The following PRKN variants were observed in gnomAD, a reference collection of about 807,000 sequenced individuals.
The protein encoded by PRKN is E3 ubiquitin-protein ligase parkin.
Under a neutral mutation model 59.5 loss-of-function variants are expected in PRKN, and 56 were observed. The ratio of observed to expected loss-of-function variants is 0.94; its 90% CI spans 0.76 to 1.18. The LOEUF (loss-of-function observed/expected upper bound fraction) is 1.18, where lower values mean the gene tolerates loss of function less well. PRKN is among the 50% of genes most tolerant of loss of function. The pLI, the probability that PRKN is intolerant of heterozygous loss-of-function variation, is 0.00. For synonymous variants in PRKN, 250 were observed against 222.1 expected (o/e 1.13, Z -1.12); for missense variants, 657 against 596.4 (o/e 1.10, Z -1.06).
intron 7 of PRKN, among the ~76,000 whole-genome samples, chr6:161,632,920 T>G (rs12110372): frequency 0.02 from 3,033 of 152,124 alleles, 119 homozygotes; most frequent in African/African-American, 0.069. Flanking sequence ...CCATGACACA[T>G]GGGGATAATG....
chr6:162,128,394 T>C (rs920761874), intron 4 of PRKN, among the ~76,000 whole-genome samples: 1 of 152,170 alleles, frequency 6.6e-6, no homozygotes, highest in African/African-American at 2.4e-5. Flanking sequence ...TGACTACAGA[T>C]AATGCATCAA....
In PRKN at chr6:161,743,305, C is replaced by T. The variant is rs796356486; in HGVS notation, c.871+42467G>A. Reference sequence around the variant, plus strand: ...TGCAATCTCGGCTCACTGCAAGCTCCGCCTCCCGGGTTCATGCCATTCTCC... The same window carrying T: ...TGCAATCTCGGCTCACTGCAAGCTCTGCCTCCCGGGTTCATGCCATTCTCC... On this transcript the variant is annotated intron_variant, in intron 7 of 11. Transcript: ENST00000366898. 3.6e-4 allele frequency among the ~76,000 whole-genome samples: 53 copies of T among 148,022 alleles called. 3 individuals carry two copies. The highest frequency in any genetic ancestry group is 1.2e-3 in the African/African-American group (50 of 40,704).
intron 6 of PRKN, among the ~76,000 whole-genome samples, chr6:161,869,861 T>C (rs1031276640): frequency 2.6e-5 from 4 of 152,200 alleles, no homozygotes; most frequent in African/African-American, 9.7e-5. Context: ...AGTCCTCAGA[T>C]AGTTTATGTA....
chr6:161,466,168 A>G lies in PRKN; in HGVS notation c.1084-79291T>C, dbSNP rs150542389. On this transcript the variant is annotated intron_variant, in intron 9 of 11. Transcript: ENST00000366898. This position sits in a 1 kb window ranked among gnomAD's most constrained non-coding sequence, Gnocchi z 5.0. ...TTATTAACTCTAGTCACCATGCTGTACATTAGATCCCCCTGTGTTTCTATT... is the reference window on the plus strand; with the variant it reads ...TTATTAACTCTAGTCACCATGCTGTGCATTAGATCCCCCTGTGTTTCTATT... Among the ~76,000 whole-genome samples the G allele has an allele frequency of 1.3e-3, 192 of 152,316 alleles. No homozygotes were observed. Among genetic ancestry groups the G allele is most frequent in the Non-Finnish European group, 2.3e-3 (158 of 68,022 alleles).
At chr6:161,837,497 CAGCCTT>C (rs1792806466) in intron 6 of PRKN, among the ~76,000 whole-genome samples, 1 of 151,862 alleles carries the variant, frequency 6.6e-6, no homozygotes, top group Admixed American at 6.6e-5. Flanking sequence ...ACCTCATTCA[CAGCCTT>C]AGCATTGGGC....
In PRKN at chr6:161,579,846, T is replaced by C. The variant is rs1015754568; in HGVS notation, c.872-10430A>G. 6.6e-6 allele frequency among the ~76,000 whole-genome samples: 1 copy of C among 152,230 alleles called. No homozygotes were observed. The highest frequency in any genetic ancestry group is 2.4e-5 in the African/African-American group (1 of 41,454). On this transcript the variant is annotated intron_variant, in intron 7 of 11. Transcript: ENST00000366898. The surrounding 1 kb of genome is among the most constrained non-coding windows in gnomAD (Gnocchi z 4.2). ...AAATTCATTTCAGTACTTTCCCTTG[T>C]CACTTTAGTTCTGTGCATTTGGTTT...
chr6:162,434,698 T>G (rs949783551), intron 2 of PRKN, among the ~76,000 whole-genome samples: 5 of 152,166 alleles, frequency 3.3e-5, no homozygotes, highest in Non-Finnish European at 7.4e-5. Context: ...AATGCTGGAA[T>G]AAATATTTAC....
At position 161,369,955 on chromosome 6, in the gene PRKN, C is replaced by T. The variant is rs910597582; in HGVS notation, c.1168-9750G>A. On this transcript the variant is annotated intron_variant, in intron 10 of 11. Coordinates refer to ENST00000366898, the MANE Select transcript of PRKN (RefSeq NM_004562.3). The surrounding 1 kb of genome is among the most constrained non-coding windows in gnomAD (Gnocchi z 5.8). ...ATCGTGAGTAAGATCAACACACAAA[C>T]GGCTTAGCACAGAGCCAGGTGCACC... 1.4e-5 allele frequency: 6 copies of T among 432,294 alleles called. No homozygotes were observed. The highest frequency in any genetic ancestry group is 4.7e-5 in the Admixed American group (2 of 42,284). The allele number at this position is 432,294 out of a possible 1,614,324, so 26.8% of individuals were successfully genotyped here. A position where few individuals can be genotyped will look rare whatever the true frequency, so the allele number is the denominator to read the frequency against.
At chr6:161,813,253 C>T (rs1264560759) in intron 6 of PRKN, among the ~76,000 whole-genome samples, 1 of 152,150 alleles carries the variant, frequency 6.6e-6, no homozygotes, top group African/African-American at 2.4e-5. Flanking sequence ...CATCCTGGTT[C>T]AGCATCCCAG....
rs1304047353 is a variant in PRKN, at chr6:161,545,856, G to C, written c.1083+2998C>G. The stretch of plus-strand genomic sequence containing the variant: ...CTGGTACTCAGATCAGACTTGAATA[G>C]TCACCATGGTTCCTTGTGGAAAAGT... On this transcript the variant is annotated intron_variant, in intron 9 of 11. Transcript: ENST00000366898. The surrounding 1 kb of genome is among the most constrained non-coding windows in gnomAD (Gnocchi z 4.1). Among the ~76,000 whole-genome samples, 3 of 152,222 alleles carry C rather than the reference G, an allele frequency of 2.0e-5. No individual in the cohort carries two copies. The highest frequency in any genetic ancestry group is 7.2e-5 in the African/African-American group (3 of 41,472).
chr6:161,550,781 A>C lies in PRKN; in HGVS notation c.934-1778T>G, dbSNP rs755856482. Among the ~76,000 whole-genome samples, 2 of 147,264 alleles carry C rather than the reference A, an allele frequency of 1.4e-5. No individual in the cohort carries two copies. Among genetic ancestry groups the C allele is most frequent in the Non-Finnish European group, 3.0e-5 (2 of 65,802 alleles). Reference sequence around the variant, plus strand: ...TGTGTGTAGGGAGTTGAGGCATGAAATAATTATTTCTATTGTGCTCGTGTT... The same window carrying C: ...TGTGTGTAGGGAGTTGAGGCATGAACTAATTATTTCTATTGTGCTCGTGTT... On this transcript the variant is annotated intron_variant, in intron 8 of 11. Transcript: ENST00000366898. The surrounding 1 kb of genome is among the most constrained non-coding windows in gnomAD (Gnocchi z 4.0).
chr6:161,392,188 G>A (rs531354884), intron 9 of PRKN, among the ~76,000 whole-genome samples: 4 of 151,620 alleles, frequency 2.6e-5, no homozygotes, highest in South Asian at 2.1e-4. Flanking sequence ...CGCCTGCCTC[G>A]GCCTCCCAAA....
intron 5 of PRKN, among the ~76,000 whole-genome samples, chr6:162,011,779 C>G (rs954497529): frequency 6.6e-6 from 1 of 151,328 alleles, no homozygotes; most frequent in Admixed American, 6.7e-5. Context: ...TCTGGGTATT[C>G]TAACCATAAG....
rs368119686 is a variant in PRKN, at chr6:161,390,826, T to G, written c.1084-3949A>C. Among the ~76,000 whole-genome samples the G allele has an allele frequency of 1.4e-4, 21 of 152,284 alleles. No homozygotes were observed. Among genetic ancestry groups the G allele is most frequent in the South Asian group, 4.1e-4 (2 of 4,820 alleles). Reference sequence around the variant, plus strand: ...TTTTTAAGAATAAAATAAAGCTAATTTTTCCTTCCATTTGTGTGAATTATC... The same window carrying G: ...TTTTTAAGAATAAAATAAAGCTAATGTTTCCTTCCATTTGTGTGAATTATC... On this transcript the variant is annotated intron_variant, in intron 9 of 11. Transcript: ENST00000366898. The surrounding 1 kb of genome is among the most constrained non-coding windows in gnomAD (Gnocchi z 7.0).
rs55693340 is a variant in PRKN at position 162,651,658 on chromosome 6, A to T, written c.7+76004T>A. On this transcript the variant is annotated intron_variant, in intron 1 of 11. Transcript: ENST00000366898. ...GTTATACTGTGCTCACACTGACAAG[A>T]TCCTCAATATATGCCCATGGGAAGA... 7.9e-3 allele frequency among the ~76,000 whole-genome samples: 1,208 copies of T among 152,234 alleles called. 12 individuals are homozygous for T. The highest frequency in any genetic ancestry group is 0.028 in the African/African-American group (1,164 of 41,518).
chr6:162,058,957 G>GAAAAAAAAAAAAAAAA (rs553927046), intron 4 of PRKN, among the ~76,000 whole-genome samples: 1 of 87,290 alleles, frequency 1.1e-5, no homozygotes. Flanking sequence ...GCCTCAACAA[G>GAAAAAAAAAAAAAAAA]AAAAAAAAAA....
intron 6 of PRKN, among the ~76,000 whole-genome samples, chr6:161,925,697 T>C (rs182674266): frequency 3.3e-5 from 5 of 152,206 alleles, no homozygotes; most frequent in African/African-American, 9.6e-5. Context: ...GCATTAAAGA[T>C]ACAATTGAAC....
At chr6:161,394,683 G>T (rs1040328325) in intron 9 of PRKN, among the ~76,000 whole-genome samples, 1 of 152,116 alleles carries the variant, frequency 6.6e-6, no homozygotes, top group Non-Finnish European at 1.5e-5. Flanking sequence ...AGTACCACCT[G>T]TCTCAGAACT....
In PRKN at chr6:161,413,282, C is replaced by T. The variant is rs1696605410; in HGVS notation, c.1084-26405G>A. 6.6e-6 allele frequency among the ~76,000 whole-genome samples: 1 copy of T among 152,144 alleles called. No homozygotes were observed. The highest frequency in any genetic ancestry group is 2.4e-5 in the African/African-American group (1 of 41,404). ...GTCTGTAAGACTCCCCGTGACATTC[C>T]TGTTCCTTGTTCCACTGCCAGGGTC... On this transcript the variant is annotated intron_variant, in intron 9 of 11. Coordinates refer to ENST00000366898, the MANE Select transcript of PRKN (RefSeq NM_004562.3). The surrounding 1 kb of genome is among the most constrained non-coding windows in gnomAD (Gnocchi z 4.4).
Sources: gnomAD v4.1 joint callset for allele counts (sites outside exome capture counted in the v4.1 genomes callset) on GRCh38, gnomAD v4.1.1 for gene constraint, Gnocchi (gnomAD v3.1) non-coding constraint, MANE v1.5 for transcripts, NCBI Gene and HGNC (gene_info 2026-07-23, HGNC 2026-07-21) for gene names.